Variants in KIAA0319 observed in about 807,000 individuals in gnomAD.
KIAA0319 encodes dyslexia-associated protein KIAA0319.
In KIAA0319, 83 loss-of-function variants were observed where a neutral mutation model predicts 108.4. That is an observed-to-expected ratio of 0.77 (90% CI 0.64 to 0.92). The LOEUF is 0.92. Among genes scored for constraint, KIAA0319 ranks in the 40% least tolerant of loss-of-function variants. KIAA0319 has a pLI of 0.00. For synonymous variants in KIAA0319, 484 were observed against 510.4 expected (o/e 0.95, Z 0.70); for missense variants, 1,195 against 1,322.4 (o/e 0.90, Z 1.49).
chr6:24,630,220 A>G (rs573053909), intron 1 of KIAA0319, among the ~76,000 whole-genome samples: 1 of 151,970 alleles, frequency 6.6e-6, no homozygotes, highest in African/African-American at 2.4e-5. Flanking sequence ...ACTTACATTA[A>G]AAAAATTGCT....
At chr6:24,636,583 A>G (rs1377019583) in intron 1 of KIAA0319, among the ~76,000 whole-genome samples, 3 of 152,226 alleles carry the variant, frequency 2.0e-5, no homozygotes, top group Admixed American at 2.0e-4. Context: ...ATGAAGCTTG[A>G]GTAGAAGAAT....
intron 1 of KIAA0319, among the ~76,000 whole-genome samples, chr6:24,634,716 G>A (rs1012508501): frequency 9.2e-5 from 14 of 152,214 alleles, no homozygotes; most frequent in African/African-American, 3.1e-4. Context: ...CCGGTCATAT[G>A]AGCTGTAAAC....
chr6:24,549,087 C>T (rs12197384), intron 20 of KIAA0319, among the ~76,000 whole-genome samples: 11,555 of 151,206 alleles, frequency 0.076, 490 homozygotes, highest in South Asian at 0.15. Context: ...TTTGGGAGGC[C>T]GAGGCGGGTG....
At chr6:24,606,028 G>A (rs781176538) in intron 1 of KIAA0319, among the ~76,000 whole-genome samples, 4 of 151,702 alleles carry the variant, frequency 2.6e-5, no homozygotes, top group South Asian at 2.1e-4. Context: ...TCCGCCTCCC[G>A]GGGTTCAAGC....
rs1767945765 is a variant in KIAA0319 at position 24,588,695 on chromosome 6, C to T, written c.892G>A (p.Gly298Arg). The T allele has an allele frequency of 5.0e-6, 8 of 1,613,836 alleles. No homozygotes were observed. The highest frequency in any genetic ancestry group is 6.8e-6 in the Non-Finnish European group (8 of 1,179,986). Reference sequence around the variant, plus strand: ...GTTGGGATGCTGTGCTCTGTACTCCCCGGGGTGACTGTGAGCACTGGGCTT... The same window carrying T: ...GTTGGGATGCTGTGCTCTGTACTCCTCGGGGTGACTGTGAGCACTGGGCTT... The part of the protein sequence containing the change: ...EKSPVLTVTP[G>R]STEHSIPTPP... The change falls in exon 4 of 21, where the codon GGG becomes AGG. Residue 298 changes from glycine (G) to arginine (R), a missense_variant. Transcript: ENST00000378214.
Position 24,546,131 on chromosome 6 carries a change from G to A in KIAA0319, c.*1034C>T, listed in dbSNP as rs1006227674. ...ATTTATTCGGTAGAAAAACTTAAAT[G>A]TATTTTTAAACATATGAAGTGAATA... On this transcript the variant is annotated 3_prime_UTR_variant, in exon 21 of 21. Coordinates refer to ENST00000378214, the MANE Select transcript of KIAA0319 (RefSeq NM_014809.4). The A allele has an allele frequency of 6.6e-6, 1 of 152,202 alleles. No individual in the cohort carries two copies. The highest frequency in any genetic ancestry group is 1.5e-5 in the Non-Finnish European group (1 of 68,020). The allele number at this position is 152,202 out of a possible 1,614,324, so 9.4% of individuals were successfully genotyped here. A position where few individuals can be genotyped will look rare whatever the true frequency, so the allele number is the denominator to read the frequency against.
chr6:24,642,200 G>A (rs1435835461), intron 1 of KIAA0319, among the ~76,000 whole-genome samples: 46 of 139,956 alleles, frequency 3.3e-4, no homozygotes, highest in Non-Finnish European at 5.6e-4. Context: ...GAGAAAGAAA[G>A]AGAAAGAAGG....
At chr6:24,629,679 T>C (rs904292502) in intron 1 of KIAA0319, among the ~76,000 whole-genome samples, 2 of 152,156 alleles carry the variant, frequency 1.3e-5, no homozygotes, top group Non-Finnish European at 1.5e-5. Context: ...ACAAACCTTG[T>C]GACTGAAACG....
intron 1 of KIAA0319, among the ~76,000 whole-genome samples, chr6:24,632,619 C>A (rs1775722221): frequency 6.6e-6 from 1 of 152,176 alleles, no homozygotes; most frequent in Non-Finnish European, 1.5e-5. Context: ...ACTTGCCTAG[C>A]TGCTCCTGCA....
chr6:24,626,881 C>T (rs950169840), intron 1 of KIAA0319, among the ~76,000 whole-genome samples: 4 of 152,066 alleles, frequency 2.6e-5, no homozygotes, highest in African/African-American at 9.7e-5. Flanking sequence ...TTTCCAGAAG[C>T]TAGGCGGCTT....
intron 1 of KIAA0319, among the ~76,000 whole-genome samples, chr6:24,616,732 G>T (rs1482467718): frequency 1.3e-5 from 2 of 151,938 alleles, no homozygotes; most frequent in Non-Finnish European, 2.9e-5. Flanking sequence ...TTTTCTACAG[G>T]GTTTACTTTA....
chr6:24,597,939 A>AC (rs1169801463), intron 2 of KIAA0319: 1 of 152,446 alleles, frequency 6.6e-6, no homozygotes, highest in African/African-American at 2.6e-5. Flanking sequence ...AAAAAAAAAA[A>AC]AAAAAAAAAA....
chr6:24,551,623 CT>C, intron 19 of KIAA0319, 98 bp from the exon 20 acceptor site: 1 of 828,264 alleles, frequency 1.2e-6, no homozygotes, highest in Non-Finnish European at 2.0e-6. Flanking sequence ...AACATTTTGC[CT>C]TTATGATGTG....
rs139255983 is a variant in KIAA0319, at chr6:24,557,376, G to A, written c.2735-647C>T. Among the ~76,000 whole-genome samples the A allele has an allele frequency of 8.0e-3, 1,221 of 152,040 alleles. 6 individuals are homozygous for A. The highest frequency in any genetic ancestry group is 0.021 in the South Asian group (103 of 4,828). ...AAATTAGCTGGGCGTGATGGTGTGC[G>A]CCTGTAATGCCAGCTACTCAGGTGG... On this transcript the variant is annotated intron_variant, in intron 17 of 20. Coordinates refer to ENST00000378214, the MANE Select transcript of KIAA0319 (RefSeq NM_014809.4).
intron 6 of KIAA0319, 72 bp from the exon 7 acceptor site, chr6:24,581,085 A>G: frequency 3.2e-6 from 3 of 925,760 alleles, no homozygotes; most frequent in Non-Finnish European, 5.3e-6. Context: ...AAAAAGCTAA[A>G]ATGTCCCAGA....
At chr6:24,548,424 C>T (rs570763121) in intron 20 of KIAA0319, among the ~76,000 whole-genome samples, 1 of 152,180 alleles carries the variant, frequency 6.6e-6, no homozygotes, top group Non-Finnish European at 1.5e-5. Context: ...GCAAATGACA[C>T]GAACTTCCTG....
intron 10 of KIAA0319, 74 bp downstream of exon 10, chr6:24,576,294 C>A: frequency 1.7e-6 from 2 of 1,191,594 alleles, no homozygotes; most frequent in South Asian, 2.6e-5. Context: ...ACTGCCTACC[C>A]CAACCAATAG....
At chr6:24,606,791 T>C (rs879467267) in intron 1 of KIAA0319, among the ~76,000 whole-genome samples, 28 of 152,222 alleles carry the variant, frequency 1.8e-4, no homozygotes, top group Non-Finnish European at 3.5e-4. Context: ...AAAGGAACTA[T>C]TGAATAAAAC....
Position 24,545,420 on chromosome 6 carries a change from C to T in KIAA0319, c.*1745G>A, listed in dbSNP as rs539867027. On this transcript the variant is annotated 3_prime_UTR_variant, in exon 21 of 21. Transcript: ENST00000378214. ...TTCCTCATTACGCCCGATGACTTTA[C>T]ATTTGGGCTGCTGTCCCCTATGCCA... 6.6e-6 allele frequency: 1 copy of T among 152,222 alleles called. No homozygotes were observed. The highest frequency in any genetic ancestry group is 2.1e-4 in the South Asian group (1 of 4,824). The allele number at this position is 152,222 out of a possible 1,614,324, so 9.4% of individuals were successfully genotyped here.
Sources: allele counts gnomAD v4.1 joint callset (sites outside exome capture counted in the v4.1 genomes callset), GRCh38; gene constraint gnomAD v4.1.1; transcripts MANE v1.5; gene names NCBI Gene and HGNC (gene_info 2026-07-23, HGNC 2026-07-21).